The following VWA8 variants were observed in gnomAD, a reference collection of about 807,000 sequenced individuals.
The protein encoded by VWA8 is von Willebrand factor A domain-containing protein 8.
VWA8 carries 221 observed loss-of-function variants against 241.5 expected under a neutral mutation model. That is an observed-to-expected ratio of 0.91 (90% CI 0.82 to 1.02). The LOEUF is 1.02. Among genes scored for constraint, VWA8 ranks in the 50% least tolerant of loss-of-function variants. The pLI, the probability that VWA8 is intolerant of heterozygous loss-of-function variation, is 0.00. For missense variants in VWA8, 2,322 were observed against 2,328.7 expected, an observed-to-expected ratio of 1.00 and a Z score of 0.06; for synonymous variants, 852 against 827.1, an observed-to-expected ratio of 1.03 and a Z score of -0.52.
Position 41,727,056 on chromosome 13 carries a change from G to T in VWA8, c.2758+138C>A. ...ATCAGATATTTTTCTTCACTAAAAG[G>T]GGGATAATAAATATTCTCACAAGGT... On this transcript the variant is annotated intron_variant, in intron 24 of 44. Coordinates refer to ENST00000379310, the MANE Select transcript of VWA8 (RefSeq NM_015058.2). 4 of 708,020 alleles carry T rather than the reference G, an allele frequency of 5.6e-6. No individual in the cohort carries two copies. The South Asian group carries it at 8.3e-5, about 15-fold the overall frequency. The allele number at this position is 708,020 out of a possible 1,614,324, so 43.9% of individuals were successfully genotyped here. A position where few individuals can be genotyped will look rare whatever the true frequency, so the allele number is the denominator to read the frequency against.
At chr13:41,840,662 G>A (rs975902549) in intron 12 of VWA8, among the ~76,000 whole-genome samples, 3 of 151,802 alleles carry the variant, frequency 2.0e-5, no homozygotes, top group African/African-American at 4.8e-5. Flanking sequence ...GGGGAGCTGA[G>A]GCACAAGGAT....
intron 2 of VWA8, among the ~76,000 whole-genome samples, chr13:41,932,073 G>C (rs184295582): frequency 6.6e-6 from 1 of 152,204 alleles, no homozygotes; most frequent in Non-Finnish European, 1.5e-5. Flanking sequence ...AGACTATTAA[G>C]AGAGAGAAGA....
intron 9 of VWA8, among the ~76,000 whole-genome samples, chr13:41,871,701 A>G (rs1429971621): frequency 6.6e-6 from 1 of 151,972 alleles, no homozygotes; most frequent in Non-Finnish European, 1.5e-5. Context: ...AATCCAGTCT[A>G]TCGTTGTTGG....
At chr13:41,902,322 T>C (rs1409731903) in intron 4 of VWA8, among the ~76,000 whole-genome samples, 24 of 152,212 alleles carry the variant, frequency 1.6e-4, no homozygotes, top group Admixed American at 1.6e-3. Context: ...ATACCATTTT[T>C]GTAAAAATTA....
intron 12 of VWA8, among the ~76,000 whole-genome samples, chr13:41,859,343 G>C (rs1199788871): frequency 6.6e-6 from 1 of 152,094 alleles, no homozygotes; most frequent in Non-Finnish European, 1.5e-5. Flanking sequence ...GGAAGAGAGG[G>C]GAAAGGATTT....
intron 20 of VWA8, among the ~76,000 whole-genome samples, chr13:41,774,970 G>A (rs967970512): frequency 1.3e-5 from 2 of 152,224 alleles, no homozygotes; most frequent in African/African-American, 4.8e-5. Context: ...TTAAGAGAAT[G>A]TGAATGGGCA....
intron 21 of VWA8, among the ~76,000 whole-genome samples, chr13:41,736,525 A>C (rs2137871572): frequency 6.6e-6 from 1 of 152,296 alleles, no homozygotes; most frequent in South Asian, 2.1e-4. Context: ...GTATCTTCTA[A>C]TTTATTGAGG....
At chr13:41,809,572 C>A (rs887586106) in intron 17 of VWA8, among the ~76,000 whole-genome samples, 2 of 152,142 alleles carry the variant, frequency 1.3e-5, no homozygotes, top group Admixed American at 6.5e-5. Context: ...TGAAAGTAGA[C>A]CCTATCTCTT....
At chr13:41,954,284 C>T (rs1180417827) in intron 1 of VWA8, among the ~76,000 whole-genome samples, 1 of 151,990 alleles carries the variant, frequency 6.6e-6, no homozygotes, top group Admixed American at 6.6e-5. Flanking sequence ...AGTTTCATAC[C>T]TGCCAGTAGC....
intron 37 of VWA8, among the ~76,000 whole-genome samples, chr13:41,638,002 T>C (rs2044770396): frequency 6.6e-6 from 1 of 152,200 alleles, no homozygotes; most frequent in Non-Finnish European, 1.5e-5. Flanking sequence ...ACTCAAAATC[T>C]TGGTGTTCTA....
At chr13:41,770,857 G>C (rs2045816314) in intron 20 of VWA8, among the ~76,000 whole-genome samples, 1 of 131,852 alleles carries the variant, frequency 7.6e-6, no homozygotes, top group African/African-American at 2.9e-5. Flanking sequence ...AATTTTACCA[G>C]ACTGTTATTT....
intron 37 of VWA8, among the ~76,000 whole-genome samples, chr13:41,621,293 T>G (rs2044655494): frequency 6.6e-6 from 1 of 152,228 alleles, no homozygotes; most frequent in African/African-American, 2.4e-5. Flanking sequence ...TAAGATAGGC[T>G]AGGCTAAGCA....
chr13:41,584,062 A>G (rs963320934), intron 42 of VWA8, among the ~76,000 whole-genome samples: 1 of 152,160 alleles, frequency 6.6e-6, no homozygotes, highest in Admixed American at 6.6e-5. Context: ...TAGAGAGAGT[A>G]CTGTAAATAT....
At chr13:41,751,140 A>T (rs1254593854) in intron 21 of VWA8, among the ~76,000 whole-genome samples, 2 of 94,302 alleles carry the variant, frequency 2.1e-5, no homozygotes, top group Admixed American at 1.0e-4. Context: ...ATGTTAAATA[A>T]AAAAAAAATA....
intron 2 of VWA8, among the ~76,000 whole-genome samples, chr13:41,941,480 CTG>C (rs1877595875): frequency 6.6e-6 from 1 of 152,206 alleles, no homozygotes; most frequent in East Asian, 1.9e-4. Flanking sequence ...CTGAAGGAAA[CTG>C]AAGCTTATTT....
intron 42 of VWA8, among the ~76,000 whole-genome samples, chr13:41,583,139 CT>C (rs1352370827): frequency 1.3e-5 from 2 of 152,118 alleles, no homozygotes; most frequent in Non-Finnish European, 2.9e-5. Context: ...TCCATCTTAC[CT>C]CCTTCCTGCC....
intron 17 of VWA8, 78 bp downstream of exon 17, chr13:41,811,147 T>C (rs1449504330): frequency 1.6e-6 from 2 of 1,234,998 alleles, no homozygotes; most frequent in Non-Finnish European, 2.3e-6. Flanking sequence ...ATTGGGAATA[T>C]GCACCATCAG....
chr13:41,787,064 T>C (rs1869226871), intron 18 of VWA8, among the ~76,000 whole-genome samples: 1 of 150,518 alleles, frequency 6.6e-6, no homozygotes, highest in Non-Finnish European at 1.5e-5. Flanking sequence ...ACCCTCAAAA[T>C]GTAAACATGC....
At chr13:41,618,882 T>C (rs1312159887) in intron 37 of VWA8, among the ~76,000 whole-genome samples, 4 of 152,244 alleles carry the variant, frequency 2.6e-5, no homozygotes, top group African/African-American at 4.8e-5. Context: ...TGTAGCCTTG[T>C]AGTATAGTTT....
Sources: allele counts gnomAD v4.1 joint callset (sites outside exome capture counted in the v4.1 genomes callset), GRCh38; gene constraint gnomAD v4.1.1; transcripts MANE v1.5; gene names NCBI Gene and HGNC (gene_info 2026-07-23, HGNC 2026-07-21).